SLC38A10: variants seen among roughly 807,000 people sequenced by gnomAD.
SLC38A10 encodes solute carrier family 38 member 10, also known as Sodium-coupled neutral amino acid transporter 10.
SLC38A10 carries 53 observed loss-of-function variants against 81.0 expected under a neutral mutation model. The observed-to-expected ratio is 0.65, with a 90% CI of 0.53 to 0.82. The LOEUF (loss-of-function observed/expected upper bound fraction) is 0.82, where lower values mean the gene tolerates loss of function less well. Among genes scored for constraint, SLC38A10 ranks in the 40% least tolerant of loss-of-function variants. SLC38A10 has a pLI of 0.00. For missense variants in SLC38A10, 1,471 were observed against 1,545.0 expected, an observed-to-expected ratio of 0.95 and a Z score of 0.80; for synonymous variants, 665 against 655.3, an observed-to-expected ratio of 1.01 and a Z score of -0.23.
intron 2 of SLC38A10, among the ~76,000 whole-genome samples, chr17:81,287,220 T>C (rs2063275010): frequency 6.6e-6 from 1 of 152,098 alleles, no homozygotes; most frequent in African/African-American, 2.4e-5. Flanking sequence ...AGCGGCCACC[T>C]CCCCAGGCTA....
intron 1 of SLC38A10, among the ~76,000 whole-genome samples, chr17:81,294,365 T>C (rs2063331811): frequency 6.6e-6 from 1 of 152,118 alleles, no homozygotes; most frequent in Admixed American, 6.6e-5. Context: ...AGATCTTAGG[T>C]GTATAACCTG....
intron 6 of SLC38A10, chr17:81,280,189 GCGCA>G: frequency 2.2e-6 from 1 of 450,840 alleles, no homozygotes; most frequent in Middle Eastern, 3.3e-4. Context: ...GCAGGCTCGC[GCGCA>G]CATGCAGGCC....
In SLC38A10 at chr17:81,283,470, G is replaced by A; in HGVS notation, c.296C>T (p.Ala99Val). 6.2e-7 allele frequency: 1 copy of A among 1,612,250 alleles called. No homozygotes were observed. Among genetic ancestry groups the A allele is most frequent in the East Asian group, 2.2e-5 (1 of 44,826 alleles). ...CAAGTCGCCGATCACGACGTAGAAG[G>A]CGATGCAGGTGCCCAGCATCAGCCC... ...MIGLMLGTCI[A>V]FYVVIGDLGS... The change falls in exon 4 of 16, where the codon GCC becomes GTC. Residue 99 changes from alanine to valine, a missense_variant. Ala to Val is a moderately conservative substitution (Grantham distance 64). Transcript: ENST00000374759. This position sits in a 1 kb window ranked among gnomAD's most constrained non-coding sequence, Gnocchi z 4.7.
rs1374786827 is a variant in SLC38A10, at chr17:81,288,877, G to A, written c.217+814C>T. 6.6e-6 allele frequency: 1 copy of A among 152,348 alleles called. No individual in the cohort carries two copies. The highest frequency in any genetic ancestry group is 2.4e-5 in the African/African-American group (1 of 41,456). The allele number at this position is 152,348 out of a possible 1,614,324, so 9.4% of individuals were successfully genotyped here. Reference sequence around the variant, plus strand: ...GGTGTCCAGGAGAGACACAGAGAGAGCAGGTCTGCACCAGCACGGTGAGGA... The same window carrying A: ...GGTGTCCAGGAGAGACACAGAGAGAACAGGTCTGCACCAGCACGGTGAGGA... On this transcript the variant is annotated intron_variant, in intron 2 of 15. Transcript: ENST00000374759. The surrounding 1 kb of genome is among the most constrained non-coding windows in gnomAD (Gnocchi z 5.4).
Position 81,253,903 on chromosome 17 carries a change from ACCATCACTGCCAACCCTACCATCATTG to A in SLC38A10, c.1289-690_1289-664del, listed in dbSNP as rs1332828093. On this transcript the variant is annotated intron_variant, in intron 11 of 15. Transcript: ENST00000374759. The surrounding 1 kb of genome is among the most constrained non-coding windows in gnomAD (Gnocchi z 4.1). ...CATCACCATCACCACTACCATCACC[ACCATCACTGCCAACCCTACCATCATTG>A]CCATCACCTCCATTATCGTCATCAC... 6.6e-6 allele frequency among the ~76,000 whole-genome samples: 1 copy of A among 151,760 alleles called. No individual in the cohort carries two copies. The highest frequency in any genetic ancestry group is 2.4e-5 in the African/African-American group (1 of 41,286).
chr17:81,280,733 T>G lies in SLC38A10; in HGVS notation c.502A>C (p.Ile168Leu). 1 of 1,611,614 alleles carries G rather than the reference T, an allele frequency of 6.2e-7. No individual in the cohort carries two copies. Among genetic ancestry groups the G allele is most frequent in the East Asian group, 2.2e-5 (1 of 44,824 alleles). Reference protein sequence around the residue: ...LLFYTVFMFVIVLSSLKHGLF... With the variant: ...LLFYTVFMFVLVLSSLKHGLF... Reference sequence around the variant, plus strand: ...CCGTGCTTGAGAGAGGAGAGCACGATCTGCAGAGGGAGAGGGGAGAGAGCA... The same window carrying G: ...CCGTGCTTGAGAGAGGAGAGCACGAGCTGCAGAGGGAGAGGGGAGAGAGCA... The change falls in exon 6 of 16, where the codon ATC (isoleucine) becomes CTC (leucine). Residue 168 changes from isoleucine (I) to leucine (L), a missense_variant and splice_region_variant. Ile to Leu is a conservative substitution (Grantham distance 5). Coordinates refer to ENST00000374759, the MANE Select transcript of SLC38A10 (RefSeq NM_001037984.3).
chr17:81,265,602 A>T lies in SLC38A10; in HGVS notation c.1132-5208T>A, dbSNP rs1161822377. Among the ~76,000 whole-genome samples the T allele has an allele frequency of 6.6e-6, 1 of 152,100 alleles. No individual in the cohort carries two copies. The highest frequency in any genetic ancestry group is 1.5e-5 in the Non-Finnish European group (1 of 68,006). On this transcript the variant is annotated intron_variant, in intron 10 of 15. Transcript: ENST00000374759. The surrounding 1 kb of genome is among the most constrained non-coding windows in gnomAD (Gnocchi z 4.2). ...ATATCACCAGTTGTGGCTCTTCCTGAGGTCCCTGGGCTGGGTACAGGCACC... is the reference window on the plus strand; with the variant it reads ...ATATCACCAGTTGTGGCTCTTCCTGTGGTCCCTGGGCTGGGTACAGGCACC...
At chr17:81,248,467 G>A (rs569008119) in intron 14 of SLC38A10, among the ~76,000 whole-genome samples, 2 of 152,370 alleles carry the variant, frequency 1.3e-5, no homozygotes, top group South Asian at 4.1e-4. Context: ...GCACACACTT[G>A]GTGCAGGAGC....
chr17:81,286,295 G>A lies in SLC38A10; in HGVS notation c.218-1400C>T, dbSNP rs551552796. Among the ~76,000 whole-genome samples the A allele has an allele frequency of 2.6e-3, 389 of 152,302 alleles. 3 individuals are homozygous for A. Among genetic ancestry groups the A allele is most frequent in the African/African-American group, 8.3e-3 (347 of 41,568 alleles). ...AGCGCACCTTGCCCAAGAAGGTTCC[G>A]GAATATGCCTGCCACTGGCAAGGGA... On this transcript the variant is annotated intron_variant, in intron 2 of 15. Transcript: ENST00000374759. The surrounding 1 kb of genome is among the most constrained non-coding windows in gnomAD (Gnocchi z 6.0).
rs200237370 is a variant in SLC38A10 at position 81,246,645 on chromosome 17, C to T, written c.2271G>A (p.Ala757=). 8.3e-5 allele frequency: 126 copies of T among 1,510,886 alleles called. 1 individual carries two copies. In the Middle Eastern group the frequency reaches 1.1e-3, roughly 13 times the overall value. The allele number at this position is 1,510,886 out of a possible 1,614,324, so 93.6% of individuals were successfully genotyped here. Residue 757 remains alanine (A), a synonymous_variant, in exon 16 of 16, where the codon GCG becomes GCA. Transcript: ENST00000374759. ...QVEVHQEPGA[A]VPRGQEAPEG... ...CAGGGGCCTCCTGGCCTCTGGGCAC[C>T]GCTGCCCCGGGCTCTTGATGCACCT...
rs1157111344 is a variant in SLC38A10 at position 81,252,659 on chromosome 17, G to A, written c.1481C>T (p.Ala494Val). 1 of 1,607,130 alleles carries A rather than the reference G, an allele frequency of 6.2e-7. No homozygotes were observed. Among genetic ancestry groups the A allele is most frequent in the Admixed American group, 1.7e-5 (1 of 59,704 alleles). Residue 494 changes from alanine (A) to valine (V), a missense_variant, in exon 13 of 16, where the codon GCC (alanine) becomes GTC (valine). By Grantham distance (64) the Ala-to-Val change is moderately conservative (BLOSUM62 0). Around this residue, in one of 2 missense-constraint regions of SLC38A10, gnomAD observed 720 missense variants for 827.7 expected, o/e 0.87. Coordinates refer to ENST00000374759, the MANE Select transcript of SLC38A10 (RefSeq NM_001037984.3). The stretch of plus-strand genomic sequence containing the variant: ...AGGAACAGGAGGCTCGTGGCGGTGG[G>A]CCTCGCCCACAGGCACAGCAATCCC... ...GQGIAVPVGE[A>V]HRHEPPVPHD...
chr17:81,276,407 A>C lies in SLC38A10; in HGVS notation c.730-256T>G, dbSNP rs1369743697. On this transcript the variant is annotated intron_variant, in intron 7 of 15. Transcript: ENST00000374759. The surrounding 1 kb of genome is among the most constrained non-coding windows in gnomAD (Gnocchi z 4.7). Reference sequence around the variant, plus strand: ...TTCTTTCTTTTTTTTTTTTTTTGAGACGGGGTCTCCCTCTGTAGACCAGGC... The same window carrying C: ...TTCTTTCTTTTTTTTTTTTTTTGAGCCGGGGTCTCCCTCTGTAGACCAGGC... Among the ~76,000 whole-genome samples, 1 of 137,546 alleles carries C rather than the reference A, an allele frequency of 7.3e-6. No individual in the cohort carries two copies. Among genetic ancestry groups the C allele is most frequent in the Non-Finnish European group, 1.5e-5 (1 of 65,132 alleles). The allele number at this position is 137,546 out of a possible 152,430, so 90.2% of individuals were successfully genotyped here.
chr17:81,260,513 T>G, intron 10 of SLC38A10, 119 bp from the exon 11 acceptor site: 1 of 1,324,118 alleles, frequency 7.6e-7, no homozygotes, highest in Non-Finnish European at 1.0e-6. Context: ...AGAGTGGACA[T>G]GACAAAGTCC....
intron 11 of SLC38A10, 104 bp downstream of exon 11, chr17:81,260,134 G>GT: frequency 2.1e-6 from 3 of 1,408,710 alleles, no homozygotes; most frequent in Non-Finnish European, 2.9e-6. Flanking sequence ...CACCCACACA[G>GT]GACAGAGGCC....
chr17:81,284,980 C>T (rs2063250409), intron 2 of SLC38A10, 85 bp from the exon 3 acceptor site: 6 of 1,286,844 alleles, frequency 4.7e-6, no homozygotes, highest in Admixed American at 2.7e-5. Flanking sequence ...CTGTCAAGGG[C>T]GATTTCACAG....
rs1415739924 is a variant in SLC38A10, at chr17:81,288,262, A to AC, written c.217+1428dup. On this transcript the variant is annotated intron_variant, in intron 2 of 15. Coordinates refer to ENST00000374759, the MANE Select transcript of SLC38A10 (RefSeq NM_001037984.3). This position sits in a 1 kb window ranked among gnomAD's most constrained non-coding sequence, Gnocchi z 5.4. The stretch of plus-strand genomic sequence containing the variant: ...GTTTTTATTTTGTTTGGCCCCCTGG[A>AC]CCCCTAAACACCATTTCCTCTCCCG... Among the ~76,000 whole-genome samples the AC allele has an allele frequency of 6.6e-6, 1 of 152,156 alleles. No homozygotes were observed. Among genetic ancestry groups the AC allele is most frequent in the Non-Finnish European group, 1.5e-5 (1 of 68,014 alleles).
Position 81,245,462 on chromosome 17 carries a change from G to A in SLC38A10, c.*94C>T. On this transcript the variant is annotated 3_prime_UTR_variant, in exon 16 of 16. Transcript: ENST00000374759. ...CATGAAACCCTGGGGAGAGGCGAGTGTGACCTCCAGAGTTTGGCTGGGATG... is the reference window on the plus strand; with the variant it reads ...CATGAAACCCTGGGGAGAGGCGAGTATGACCTCCAGAGTTTGGCTGGGATG... The A allele has an allele frequency of 6.9e-7, 1 of 1,451,354 alleles. No homozygotes were observed. The highest frequency in any genetic ancestry group is 9.2e-7 in the Non-Finnish European group (1 of 1,087,374). The allele number at this position is 1,451,354 out of a possible 1,614,324, so 89.9% of individuals were successfully genotyped here. A position where few individuals can be genotyped will look rare whatever the true frequency, so the allele number is the denominator to read the frequency against.
At position 81,276,294 on chromosome 17, in the gene SLC38A10, G is replaced by A; in HGVS notation, c.730-143C>T. 1.5e-6 allele frequency: 1 copy of A among 683,640 alleles called. No individual in the cohort carries two copies. 42.3% of individuals were successfully genotyped at this position (683,640 alleles called of 1,614,324 possible). A position where few individuals can be genotyped will look rare whatever the true frequency, so the allele number is the denominator to read the frequency against. On this transcript the variant is annotated intron_variant, in intron 7 of 15. Coordinates refer to ENST00000374759, the MANE Select transcript of SLC38A10 (RefSeq NM_001037984.3). This position sits in a 1 kb window ranked among gnomAD's most constrained non-coding sequence, Gnocchi z 4.7. ...CCACTTCATAATGAAGCTTCTGCAA[G>A]AGATGGCCTTCCAGGGGCAAGGCAC...
At chr17:81,254,933 G>A (rs781456080) in intron 11 of SLC38A10, among the ~76,000 whole-genome samples, 4 of 152,258 alleles carry the variant, frequency 2.6e-5, no homozygotes, top group Non-Finnish European at 5.9e-5. Flanking sequence ...GGAAAATATA[G>A]CAAAACAAAG....
Sources: allele counts gnomAD v4.1 joint callset (sites outside exome capture counted in the v4.1 genomes callset), GRCh38; gene constraint gnomAD v4.1.1; regional missense constraint gnomAD v4.1.1; non-coding constraint Gnocchi (gnomAD v3.1); transcripts MANE v1.5; gene names NCBI Gene and HGNC (gene_info 2026-07-23, HGNC 2026-07-21).